The following TRAF2 variants were observed in gnomAD, a reference collection of about 807,000 sequenced individuals.
The protein encoded by TRAF2 is TNF receptor associated factor 2.
Under a neutral mutation model 55.6 loss-of-function variants are expected in TRAF2, and 6 were observed. The observed-to-expected ratio is 0.11, with a 90% CI of 0.06 to 0.21. The LOEUF (loss-of-function observed/expected upper bound fraction) is 0.21, where lower values mean the gene tolerates loss of function less well. Ranked by LOEUF, TRAF2 falls within the 10% of genes least tolerant of loss-of-function variation. TRAF2 has a pLI of 1.00. For synonymous variants in TRAF2, 329 were observed against 276.3 expected (o/e 1.19, Z -1.89); for missense variants, 561 against 684.5 (o/e 0.82, Z 2.01).
intron 7 of TRAF2, 190 bp downstream of exon 7, chr9:136,916,805 C>T: frequency 3.3e-6 from 2 of 605,654 alleles, no homozygotes; most frequent in Non-Finnish European, 6.0e-6. Flanking sequence ...CCACTCCCTC[C>T]TGGTGGCATT....
At chr9:136,900,671 C>T (rs538117280) in intron 4 of TRAF2, 151 bp downstream of exon 4, 33 of 724,538 alleles carry the variant, frequency 4.6e-5, no homozygotes, top group Non-Finnish European at 7.3e-5. Context: ...GGAGCTGCTC[C>T]TTAGAGTATG....
At chr9:136,905,264 C>T (rs978862878) in intron 4 of TRAF2, among the ~76,000 whole-genome samples, 7 of 152,238 alleles carry the variant, frequency 4.6e-5, no homozygotes, top group Non-Finnish European at 8.8e-5. Context: ...TTGTCCTCCT[C>T]TCTCCGGGTT....
At chr9:136,907,985 A>G in intron 4 of TRAF2, 85 bp from the exon 5 acceptor site, 3 of 1,514,852 alleles carry the variant, frequency 2.0e-6, no homozygotes, top group Non-Finnish European at 2.7e-6. Context: ...AGCCAGCGCT[A>G]CATCGCCTTG....
chr9:136,910,688 CTACAGGAGG>C (rs1459643678), intron 6 of TRAF2, among the ~76,000 whole-genome samples: 3 of 152,218 alleles, frequency 2.0e-5, no homozygotes, highest in Non-Finnish European at 4.4e-5. Context: ...ATCTGGGCAG[CTACAGGAGG>C]GGTCAGGCTG....
chr9:136,906,376 A>G (rs1378417624), intron 4 of TRAF2, among the ~76,000 whole-genome samples: 1 of 152,210 alleles, frequency 6.6e-6, no homozygotes, highest in Non-Finnish European at 1.5e-5. Context: ...CCTCACAATC[A>G]TGGAGGAAGG....
chr9:136,903,261 A>AT, intron 4 of TRAF2, among the ~76,000 whole-genome samples: 1 of 152,192 alleles, frequency 6.6e-6, no homozygotes, highest in South Asian at 2.1e-4. Flanking sequence ...AAATCGAATA[A>AT]TTTTAAAACT....
intron 6 of TRAF2, among the ~76,000 whole-genome samples, chr9:136,915,902 C>G (rs147141076): frequency 2.0e-5 from 3 of 152,156 alleles, no homozygotes; most frequent in Admixed American, 2.0e-4. Flanking sequence ...TCTTGTGCTG[C>G]GTCTGGCATG....
At chr9:136,917,245 C>G (rs972155637) in intron 7 of TRAF2, among the ~76,000 whole-genome samples, 7 of 152,252 alleles carry the variant, frequency 4.6e-5, no homozygotes, top group Non-Finnish European at 7.3e-5. Context: ...CTCATGGCTT[C>G]TCATTCAGAG....
intron 10 of TRAF2, among the ~76,000 whole-genome samples, chr9:136,924,982 C>T (rs566765570): frequency 2.1e-4 from 32 of 152,328 alleles, no homozygotes; most frequent in Non-Finnish European, 4.0e-4. Flanking sequence ...TGTGATCCGC[C>T]CACCTTGGCC....
intron 1 of TRAF2, among the ~76,000 whole-genome samples, chr9:136,891,657 C>T (rs1849582376): frequency 6.6e-6 from 1 of 151,980 alleles, no homozygotes; most frequent in South Asian, 2.1e-4. Context: ...AAGAATCAAG[C>T]TTTGTCTGAA....
At chr9:136,882,179 G>A, upstream of TRAF2, 1 of 473,128 alleles carries the variant, frequency 2.1e-6, no homozygotes, top group Admixed American at 6.4e-5. Context: ...AAGGACATGA[G>A]GTGTGAGCCT....
chr9:136,918,312 C>T (rs917975652), intron 7 of TRAF2, among the ~76,000 whole-genome samples: 2 of 149,988 alleles, frequency 1.3e-5, no homozygotes, highest in Non-Finnish European at 3.0e-5. Flanking sequence ...CTTTGTCGCC[C>T]AGGCTGGAGT....
chr9:136,916,471 TG>T, intron 6 of TRAF2, 69 bp from the exon 7 acceptor site: 1 of 1,484,344 alleles, frequency 6.7e-7, no homozygotes, highest in East Asian at 2.3e-5. Context: ...TCAGTCAGTG[TG>T]GTCCATGTGG....
At chr9:136,916,811 G>T in intron 7 of TRAF2, 196 bp downstream of exon 7, 1 of 592,132 alleles carries the variant, frequency 1.7e-6, no homozygotes, top group East Asian at 3.0e-5. Context: ...CCTCCTGGTG[G>T]CATTGTAGTG....
chr9:136,921,003 C>T lies in TRAF2; in HGVS notation c.961-35C>T, dbSNP rs186247347. The T allele has an allele frequency of 8.3e-5, 134 of 1,610,928 alleles. 1 individual carries two copies. The East Asian group carries it at 2.5e-3, about 30-fold the overall frequency. On this transcript the variant is annotated intron_variant, in intron 8 of 10. Transcript: ENST00000247668. ...GGCAGGGGCTCGTGCCCGCACCCCT[C>T]CTGTAAGAGGGAAGGTGGTCTTGGC...
chr9:136,899,759 T>C, intron 3 of TRAF2, 87 bp downstream of exon 3: 1 of 1,313,188 alleles, frequency 7.6e-7, no homozygotes, highest in South Asian at 1.2e-5. Context: ...GCACAGTGGC[T>C]CACACCTGTA....
chr9:136,908,090 C>CCCGCTCATGCTGACCGAATGT lies in TRAF2; in HGVS notation c.390_410dup (p.Leu131_Pro137dup). The CCCGCTCATGCTGACCGAATGT allele has an allele frequency of 6.2e-7, 1 of 1,604,398 alleles. No homozygotes were observed. The highest frequency in any genetic ancestry group is 8.5e-7 in the Non-Finnish European group (1 of 1,179,312). On this transcript the variant is annotated inframe_insertion, in exon 5 of 11. Transcript: ENST00000247668. Reference sequence around the variant, plus strand: ...GCTAGAGCTGCCACGAAGGCCGCTGCCCGCTCATGCTGACCGAATGTCCCG... The same window carrying CCCGCTCATGCTGACCGAATGT: ...GCTAGAGCTGCCACGAAGGCCGCTGCCCGCTCATGCTGACCGAATGTCCGCTCATGCTGACCGAATGTCCCG...
At chr9:136,925,325 C>G (rs913403901) in intron 10 of TRAF2, among the ~76,000 whole-genome samples, 5 of 152,224 alleles carry the variant, frequency 3.3e-5, no homozygotes, top group African/African-American at 1.2e-4. Flanking sequence ...TTCATGATCT[C>G]TTTGGCAAGA....
At position 136,905,309 on chromosome 9, in the gene TRAF2, C is replaced by T. The variant is rs143030686; in HGVS notation, c.367-2761C>T. Among the ~76,000 whole-genome samples, 34 of 152,340 alleles carry T rather than the reference C, an allele frequency of 2.2e-4. No individual in the cohort carries two copies. In the East Asian group the frequency reaches 6.4e-3, roughly 29 times the overall value. On this transcript the variant is annotated intron_variant, in intron 4 of 10. Transcript: ENST00000247668. The stretch of plus-strand genomic sequence containing the variant: ...GGTACAGAATATGCTCTAGTCTCTC[C>T]TGTCTCAAAACTTAGTGTTGTGCTC...
Sources: gnomAD v4.1 joint callset for allele counts (sites outside exome capture counted in the v4.1 genomes callset) on GRCh38, gnomAD v4.1.1 for gene constraint, MANE v1.5 for transcripts, NCBI Gene and HGNC (gene_info 2026-07-23, HGNC 2026-07-21) for gene names.